TULP4: variants seen among roughly 807,000 people sequenced by gnomAD.
The protein encoded by TULP4 is tubby-related protein 4.
In TULP4, 16 loss-of-function variants were observed where a neutral mutation model predicts 129.0. The observed-to-expected ratio is 0.12, with a 90% CI of 0.08 to 0.19. TULP4 has a LOEUF of 0.19. Among genes scored for constraint, TULP4 ranks in the 10% least tolerant of loss-of-function variants. TULP4 has a pLI of 1.00. For synonymous variants in TULP4, 998 were observed against 854.0 expected (o/e 1.17, Z -2.94); for missense variants, 1,842 against 2,059.1 (o/e 0.89, Z 2.04).
chr6:158,325,935 T>TCA (rs913259604), intron 1 of TULP4, among the ~76,000 whole-genome samples: 8 of 120,054 alleles, frequency 6.7e-5, no homozygotes, highest in African/African-American at 2.3e-4. Flanking sequence ...TAACAAAGGC[T>TCA]CATACTATTA....
At position 158,392,794 on chromosome 6, in the gene TULP4, C is replaced by CTTTTTTTTTTTTTTTTTTTTTT. The variant is rs773565295; in HGVS notation, c.253-20267_253-20246dup. Among the ~76,000 whole-genome samples the CTTTTTTTTTTTTTTTTTTTTTT allele has an allele frequency of 1.3e-4, 7 of 54,646 alleles. 2 individuals carry two copies. The highest frequency in any genetic ancestry group is 2.6e-4 in the African/African-American group (3 of 11,460). The allele number at this position is 54,646 out of a possible 152,430, so 35.8% of individuals were successfully genotyped here. ...GTACCTATTGTTTAAATTTGTATTT[C>CTTTTTTTTTTTTTTTTTTTTTT]TTTTTTTTTTTTTTTTTTTTTTTTT... On this transcript the variant is annotated intron_variant, in intron 1 of 13. Transcript: ENST00000367097.
At chr6:158,389,668 T>C (rs935741403) in intron 1 of TULP4, among the ~76,000 whole-genome samples, 1 of 152,160 alleles carries the variant, frequency 6.6e-6, no homozygotes, top group African/African-American at 2.4e-5. Context: ...ATATGAATCA[T>C]GTGGTGTGCC....
At chr6:158,425,006 T>C (rs537194641) in intron 2 of TULP4, among the ~76,000 whole-genome samples, 261 of 150,514 alleles carry the variant, frequency 1.7e-3, no homozygotes, top group Non-Finnish European at 2.9e-3. Flanking sequence ...ACAAAAAAAT[T>C]AGCCGGGCGT....
chr6:158,435,681 CTT>C (rs1266304396), intron 3 of TULP4, among the ~76,000 whole-genome samples: 1 of 152,134 alleles, frequency 6.6e-6, no homozygotes, highest in Non-Finnish European at 1.5e-5. Flanking sequence ...GCTCATCGCT[CTT>C]GTCCTTCACA....
chr6:158,263,618 T>G (rs140159953), intron 1 of TULP4, among the ~76,000 whole-genome samples: 3 of 152,242 alleles, frequency 2.0e-5, no homozygotes, highest in East Asian at 3.9e-4. Context: ...TAGCTGGGCG[T>G]GATGGGATGT....
intron 1 of TULP4, among the ~76,000 whole-genome samples, chr6:158,233,336 A>G (rs1373566488): frequency 6.6e-6 from 1 of 152,192 alleles, no homozygotes; most frequent in Non-Finnish European, 1.5e-5. Flanking sequence ...CACCTTAAGG[A>G]TATCCTTTAA....
intron 1 of TULP4, among the ~76,000 whole-genome samples, chr6:158,268,057 C>T (rs987648128): frequency 7.1e-5 from 5 of 70,336 alleles, no homozygotes; most frequent in South Asian, 4.3e-4. Flanking sequence ...TTTTTTGAGA[C>T]GTACTTTTGC....
chr6:158,464,875 A>G (rs1219560528), intron 6 of TULP4, among the ~76,000 whole-genome samples: 2 of 152,184 alleles, frequency 1.3e-5, no homozygotes, highest in South Asian at 2.1e-4. Flanking sequence ...TTTCCCAACA[A>G]GAGATGGTTT....
In TULP4 at chr6:158,261,577, G is replaced by A. The variant is rs547958745; in HGVS notation, n.68+29274G>A. Among the ~76,000 whole-genome samples, 5 of 152,318 alleles carry A rather than the reference G, an allele frequency of 3.3e-5. No individual in the cohort carries two copies. The East Asian group carries it at 9.6e-4, about 29-fold the overall frequency. ...TTAATGAACATAAATGTCAAAATGA[G>A]ACAGTGATTTGATTGATGGAGAGTC... On this transcript the variant is annotated intron_variant and non_coding_transcript_variant, in intron 1 of 1. Transcript: ENST00000620026.
At chr6:158,301,763 G>A (rs919623998) in intron 1 of TULP4, among the ~76,000 whole-genome samples, 1 of 152,204 alleles carries the variant, frequency 6.6e-6, no homozygotes, top group Non-Finnish European at 1.5e-5. Flanking sequence ...TTTACTCCAT[G>A]AATTCCAGTT....
intron 3 of TULP4, among the ~76,000 whole-genome samples, chr6:158,448,204 A>G (rs1264132839): frequency 2.6e-5 from 4 of 152,136 alleles, no homozygotes; most frequent in African/African-American, 7.2e-5. Flanking sequence ...ATTACCCAGC[A>G]TGCTCCTGAG....
intron 1 of TULP4, among the ~76,000 whole-genome samples, chr6:158,395,193 A>C (rs1319807252): frequency 6.6e-6 from 1 of 152,114 alleles, no homozygotes; most frequent in African/African-American, 2.4e-5. Flanking sequence ...CAAATATTCA[A>C]ACCATACCAT....
intron 1 of TULP4, chr6:158,237,922 A>T: frequency 1.4e-6 from 1 of 728,938 alleles, no homozygotes; most frequent in Non-Finnish European, 2.6e-6. Context: ...TTGTTTCCAT[A>T]GCTGTTCTAG....
intron 1 of TULP4, chr6:158,242,363 A>C (rs1381357043): frequency 6.6e-6 from 10 of 1,513,882 alleles, no homozygotes; most frequent in African/African-American, 1.4e-5. Flanking sequence ...GAGCTGCAAC[A>C]ACTGCTGAAG....
intron 1 of TULP4, among the ~76,000 whole-genome samples, chr6:158,245,442 T>C (rs563777649): frequency 5.3e-5 from 8 of 152,124 alleles, no homozygotes; most frequent in Non-Finnish European, 1.0e-4. Context: ...ATAAGGATGA[T>C]GGTAATTCTC....
chr6:158,339,584 T>C (rs1488013326), intron 1 of TULP4, among the ~76,000 whole-genome samples: 1 of 152,220 alleles, frequency 6.6e-6, no homozygotes, highest in Non-Finnish European at 1.5e-5. Context: ...TGGGAATGCA[T>C]TCTTTTCCCA....
At chr6:158,481,769 G>A (rs1779951362) in intron 8 of TULP4, among the ~76,000 whole-genome samples, 3 of 152,032 alleles carry the variant, frequency 2.0e-5, no homozygotes, top group Admixed American at 2.0e-4. Flanking sequence ...ACAATGTTTT[G>A]CTCATCCATA....
At chr6:158,463,764 T>C (rs1439301122) in intron 6 of TULP4, among the ~76,000 whole-genome samples, 1 of 149,680 alleles carries the variant, frequency 6.7e-6, no homozygotes, top group Non-Finnish European at 1.5e-5. Flanking sequence ...GGATACCAGA[T>C]ATGGGGAAAT....
At chr6:158,332,377 T>A (rs566516629) in intron 1 of TULP4, among the ~76,000 whole-genome samples, 112 of 151,742 alleles carry the variant, frequency 7.4e-4, no homozygotes, top group African/African-American at 2.5e-3. Flanking sequence ...GCACGGAAGT[T>A]TGTTAGCTTA....
Sources: gnomAD v4.1 joint callset for allele counts (sites outside exome capture counted in the v4.1 genomes callset) on GRCh38, gnomAD v4.1.1 for gene constraint, MANE v1.5 for transcripts, NCBI Gene and HGNC (gene_info 2026-07-23, HGNC 2026-07-21) for gene names.